Variants in ANO4 observed in about 807,000 individuals in gnomAD.
ANO4 encodes the protein anoctamin 4, also known as anoctamin-4.
ANO4 carries 69 observed loss-of-function variants against 141.9 expected under a neutral mutation model. That is an observed-to-expected ratio of 0.49 (90% CI 0.40 to 0.59). The LOEUF is 0.59. ANO4 is among the 20% of genes least tolerant of loss of function. The probability of loss-of-function intolerance (pLI) is 0.00; values close to 1 mark genes in which losing one functional copy is unlikely to be tolerated. For synonymous variants in ANO4, 350 were observed against 394.3 expected (o/e 0.89, Z 1.33); for missense variants, 894 against 1,162.2 (o/e 0.77, Z 3.36).
chr12:101,007,455 T>C (rs1344495415), intron 8 of ANO4, among the ~76,000 whole-genome samples: 3 of 152,216 alleles, frequency 2.0e-5, no homozygotes, highest in Admixed American at 2.0e-4. Flanking sequence ...GCATGCAGTA[T>C]CTCTTAATCC....
intron 13 of ANO4, among the ~76,000 whole-genome samples, chr12:101,045,606 C>T (rs953190747): frequency 3.9e-5 from 6 of 152,178 alleles, no homozygotes; most frequent in African/African-American, 1.2e-4. Context: ...GATAGGGATG[C>T]TGTATCCTTG....
chr12:101,037,120 C>T lies in ANO4; in HGVS notation c.867C>T (p.Gly289=). Residue 289 remains glycine (G), a synonymous_variant, in exon 10 of 28, where the codon GGC becomes GGT. Coordinates refer to ENST00000392977, the MANE Select transcript of ANO4 (RefSeq NM_001286615.2). ...KIGLNRLLTN[G]SYEAAFPLHE... is the part of the protein sequence containing the mutation. ...GTCTGAATCGTTTGCTTACCAATGG[C>T]TCCTATGAAGCTGCGTTTCCCCTGC... 1.2e-6 allele frequency: 2 copies of T among 1,613,986 alleles called. No individual in the cohort carries two copies. The highest frequency in any genetic ancestry group is 1.7e-6 in the Non-Finnish European group (2 of 1,179,918).
In ANO4 at chr12:100,817,139, A is replaced by G. The variant is rs549873312; in HGVS notation, c.-141+22112A>G. ...ATGAGCAATATGATTAGGCATTTATATAATTCCTTAAGTATATGCTATGTA... is the reference window on the plus strand; with the variant it reads ...ATGAGCAATATGATTAGGCATTTATGTAATTCCTTAAGTATATGCTATGTA... On this transcript the variant is annotated intron_variant, in intron 1 of 27. Transcript: ENST00000392977. 7.2e-5 allele frequency among the ~76,000 whole-genome samples: 11 copies of G among 152,052 alleles called. No individual in the cohort carries two copies. The South Asian group carries it at 2.3e-3, about 32-fold the overall frequency.
intron 5 of ANO4, among the ~76,000 whole-genome samples, chr12:100,952,282 A>G (rs780622784): frequency 2.0e-5 from 3 of 152,190 alleles, no homozygotes; most frequent in Non-Finnish European, 4.4e-5. Context: ...AAAGCTTTTA[A>G]TCTCTCTGTG....
At chr12:101,036,177 A>G (rs2047185776) in intron 9 of ANO4, among the ~76,000 whole-genome samples, 1 of 152,198 alleles carries the variant, frequency 6.6e-6, no homozygotes, top group African/African-American at 2.4e-5. Context: ...ACCCGTTAGA[A>G]TGGCTCTTAT....
rs7299819 is a variant in ANO4 at position 101,103,314 on chromosome 12, C to G, written c.2149+3594C>G. ...GATACTGGACATCATTGTTTCTGAC[C>G]TGAGGGTGAAAGTGTTCAATATGTT... is the stretch of plus-strand genomic sequence containing the variant. On this transcript the variant is annotated intron_variant, in intron 22 of 27. Coordinates refer to ENST00000392977, the MANE Select transcript of ANO4 (RefSeq NM_001286615.2). Among the ~76,000 whole-genome samples the G allele has an allele frequency of 1.8e-3, 271 of 148,008 alleles. 1 individual carries two copies. Among genetic ancestry groups the G allele is most frequent in the African/African-American group, 6.5e-3 (260 of 40,222 alleles).
chr12:101,037,161 G>C lies in ANO4; in HGVS notation c.897+11G>C. ...TTTCCCCTGCATGAGGTATTGTGCT[G>C]TCTTTAATCTTTATCTTTCTTTCAA... is the stretch of plus-strand genomic sequence containing the variant. On this transcript the variant is annotated intron_variant, in intron 10 of 27. Transcript: ENST00000392977. The C allele has an allele frequency of 6.2e-7, 1 of 1,612,226 alleles. No homozygotes were observed. Among genetic ancestry groups the C allele is most frequent in the East Asian group, 2.2e-5 (1 of 44,830 alleles).
At chr12:100,828,562 A>T (rs1354605403) in intron 1 of ANO4, among the ~76,000 whole-genome samples, 1 of 152,026 alleles carries the variant, frequency 6.6e-6, no homozygotes, top group African/African-American at 2.4e-5. Context: ...GTTTCATGCC[A>T]CTTTAGGAAA....
At chr12:100,783,532 T>A (rs1274203574) in intron 3 of ANO4, among the ~76,000 whole-genome samples, 9 of 152,184 alleles carry the variant, frequency 5.9e-5, no homozygotes, top group Non-Finnish European at 1.0e-4. Context: ...GATCATTTAT[T>A]TCCCTTGTTA....
At chr12:101,120,897 T>C (rs1055087490) in intron 26 of ANO4, among the ~76,000 whole-genome samples, 8 of 152,180 alleles carry the variant, frequency 5.3e-5, no homozygotes, top group Non-Finnish European at 1.2e-4. Flanking sequence ...GTTCTTAAAC[T>C]TTAGCAAAAA....
intron 25 of ANO4, among the ~76,000 whole-genome samples, chr12:101,119,149 G>A (rs2050979123): frequency 6.6e-6 from 1 of 151,962 alleles, no homozygotes; most frequent in Non-Finnish European, 1.5e-5. Flanking sequence ...AGCTTTCCAT[G>A]GTTAGGGAAA....
Position 100,806,408 on chromosome 12 carries a change from G to A in ANO4, c.-141+11381G>A, listed in dbSNP as rs77959806. On this transcript the variant is annotated intron_variant, in intron 1 of 27. Coordinates refer to ENST00000392977, the MANE Select transcript of ANO4 (RefSeq NM_001286615.2). ...TAGTTTAATTTGAGCATCTTTTCAT[G>A]TGTTTACTTTGTATTTTCTTCTTCT... Among the ~76,000 whole-genome samples, 35 of 150,322 alleles carry A rather than the reference G, an allele frequency of 2.3e-4. No individual in the cohort carries two copies. The East Asian group carries it at 5.7e-3, about 24-fold the overall frequency.
intron 3 of ANO4, among the ~76,000 whole-genome samples, chr12:100,926,602 T>TTGTGTGTGTGTGTGTGTGTG (rs3059281): frequency 5.4e-5 from 8 of 147,406 alleles, no homozygotes; most frequent in African/African-American, 2.0e-4. Context: ...AAGGGTGTGT[T>TTGTGTGTGTGTGTGTGTGTG]TGTGTGTGTG....
At chr12:101,091,694 T>G (rs1225888200) in intron 17 of ANO4, among the ~76,000 whole-genome samples, 1 of 152,096 alleles carries the variant, frequency 6.6e-6, no homozygotes, top group Non-Finnish European at 1.5e-5. Flanking sequence ...TATTTAGACA[T>G]TAATTATTAA....
chr12:100,841,441 G>A (rs1397032577), intron 1 of ANO4, among the ~76,000 whole-genome samples: 2 of 152,162 alleles, frequency 1.3e-5, no homozygotes, highest in African/African-American at 4.8e-5. Context: ...TAATGGGTAA[G>A]AAGGCAGCAA....
rs1387737157 is a variant in ANO4 at position 100,737,215 on chromosome 12, G to A, written c.107-2639G>A. 2.6e-5 allele frequency among the ~76,000 whole-genome samples: 4 copies of A among 152,304 alleles called. No individual in the cohort carries two copies. In the East Asian group the frequency reaches 5.8e-4, roughly 22 times the overall value. ...TAGGATGGGTTGATTAGGCTGCTCA[G>A]TGACATTGTGAAAGGCCTTCTCCCC... On this transcript the variant is annotated intron_variant, in intron 2 of 29. Coordinates refer to the ANO4 transcript ENST00000644049.
intron 5 of ANO4, among the ~76,000 whole-genome samples, chr12:100,964,308 T>C (rs1256289159): frequency 6.6e-6 from 1 of 152,178 alleles, no homozygotes; most frequent in Non-Finnish European, 1.5e-5. Flanking sequence ...TGTGCTTTAG[T>C]TCCTCATTTG....
chr12:100,717,673 G>A (rs979551158), intron 1 of ANO4: 3 of 395,354 alleles, frequency 7.6e-6, no homozygotes, highest in Non-Finnish European at 8.9e-6. Flanking sequence ...GAGGGAGACG[G>A]CGGCCGTGCG....
Position 100,971,290 on chromosome 12 carries a change from C to T in ANO4, c.457-16C>T, listed in dbSNP as rs1163840441. On this transcript the variant is annotated splice_polypyrimidine_tract_variant and intron_variant, in intron 5 of 27. Transcript: ENST00000392977. ...TTGAATATACTTTTCAATTTAGTTT[C>T]TTTTTTCTGTTTCAGTCCTCTCTAA... 1 of 1,569,134 alleles carries T rather than the reference C, an allele frequency of 6.4e-7. No homozygotes were observed. The highest frequency in any genetic ancestry group is 1.4e-5 in the African/African-American group (1 of 73,916).
Sources: allele counts gnomAD v4.1 joint callset (sites outside exome capture counted in the v4.1 genomes callset), GRCh38; gene constraint gnomAD v4.1.1; transcripts MANE v1.5; gene names NCBI Gene and HGNC (gene_info 2026-07-23, HGNC 2026-07-21).